GABRB3: variants seen among roughly 807,000 people sequenced by gnomAD.
The protein encoded by GABRB3 is gamma-aminobutyric acid type A receptor subunit beta3.
GABRB3 carries 14 observed loss-of-function variants against 52.1 expected under a neutral mutation model. The ratio of observed to expected loss-of-function variants is 0.27; its 90% CI spans 0.18 to 0.42. The LOEUF (loss-of-function observed/expected upper bound fraction) is 0.42, where lower values mean the gene tolerates loss of function less well. GABRB3 is among the 10% of genes least tolerant of loss of function. The probability of loss-of-function intolerance (pLI) is 1.00; values close to 1 mark genes in which losing one functional copy is unlikely to be tolerated. For synonymous variants in GABRB3, 260 were observed against 232.3 expected (o/e 1.12, Z -1.08); for missense variants, 307 against 609.1 (o/e 0.50, Z 5.22).
At chr15:26,701,004 G>A (rs935904602) in intron 3 of GABRB3, among the ~76,000 whole-genome samples, 1 of 151,854 alleles carries the variant, frequency 6.6e-6, no homozygotes, top group African/African-American at 2.4e-5. Flanking sequence ...GCAGTGAGCC[G>A]AGATCGCACC....
intron 4 of GABRB3, among the ~76,000 whole-genome samples, chr15:26,601,009 C>T (rs904604308): frequency 1.3e-5 from 2 of 151,986 alleles, no homozygotes; most frequent in African/African-American, 4.8e-5. Flanking sequence ...AGTGTACAGT[C>T]GTATGTAATC....
intron 3 of GABRB3, among the ~76,000 whole-genome samples, chr15:26,651,438 G>A (rs1887194108): frequency 6.6e-6 from 1 of 152,216 alleles, no homozygotes; most frequent in Admixed American, 6.5e-5. Context: ...AAACCAGAGG[G>A]TGTACTGACT....
intron 3 of GABRB3, among the ~76,000 whole-genome samples, chr15:26,663,179 G>A (rs964861713): frequency 6.6e-6 from 1 of 152,076 alleles, no homozygotes; most frequent in South Asian, 2.1e-4. Flanking sequence ...GGCCTGCCTC[G>A]TGACCCCCTT....
chr15:26,579,571 T>C (rs1411414460), intron 6 of GABRB3, among the ~76,000 whole-genome samples: 1 of 152,242 alleles, frequency 6.6e-6, no homozygotes, highest in Non-Finnish European at 1.5e-5. Context: ...TGCCTTCTCT[T>C]AGCATTTTCA....
At chr15:26,734,058 T>C (rs1299414753) in intron 3 of GABRB3, among the ~76,000 whole-genome samples, 1 of 148,272 alleles carries the variant, frequency 6.7e-6, no homozygotes, top group African/African-American at 2.5e-5. Flanking sequence ...AGGCAGAGTT[T>C]TGCTCTTGTT....
intron 3 of GABRB3, among the ~76,000 whole-genome samples, chr15:26,740,417 G>T (rs1428119059): frequency 2.6e-5 from 4 of 151,986 alleles, no homozygotes; most frequent in Non-Finnish European, 4.4e-5. Flanking sequence ...AAAGGATACC[G>T]CCAAGCAGAT....
rs1269483151 is a variant in GABRB3 at position 26,754,904 on chromosome 15, CA to C, written c.240+17497del. ...ACACCCGAGGGGTCGAGGCTCGGCT[CA>C]GCCGTGGAGATAAAACACAGGATTA... On this transcript the variant is annotated intron_variant, in intron 3 of 8. Transcript: ENST00000311550. 5.3e-5 allele frequency among the ~76,000 whole-genome samples: 8 copies of C among 152,188 alleles called. No individual in the cohort carries two copies. The South Asian group carries it at 8.3e-4, about 16-fold the overall frequency.
intron 3 of GABRB3, among the ~76,000 whole-genome samples, chr15:26,702,375 A>G (rs577013122): frequency 6.6e-6 from 1 of 152,350 alleles, no homozygotes; most frequent in East Asian, 1.9e-4. Context: ...AGATTCAACA[A>G]TAAGGAAATA....
chr15:26,622,281 C>T (rs981014521), intron 3 of GABRB3, among the ~76,000 whole-genome samples: 5 of 152,138 alleles, frequency 3.3e-5, no homozygotes, highest in East Asian at 1.9e-4. Flanking sequence ...GTTCTGCTTT[C>T]GTTTTGCCAA....
intron 3 of GABRB3, among the ~76,000 whole-genome samples, chr15:26,687,471 T>C (rs752917796): frequency 3.7e-4 from 56 of 152,102 alleles, no homozygotes; most frequent in Admixed American, 2.0e-4. Flanking sequence ...CATCTCGACA[T>C]CATGCTTCTC....
chr15:26,648,227 G>A (rs976974035), intron 3 of GABRB3, among the ~76,000 whole-genome samples: 2 of 152,148 alleles, frequency 1.3e-5, no homozygotes, highest in Non-Finnish European at 2.9e-5. Context: ...CATATGAGTG[G>A]AGTCACATAG....
chr15:26,634,997 TATATATATATATA>T (rs1379751985), intron 3 of GABRB3, among the ~76,000 whole-genome samples: 524 of 5,962 alleles, frequency 0.088, 26 homozygotes, highest in Non-Finnish European at 0.13. Context: ...TATATATATA[TATATATATATATA>T]ATATATATAT....
At chr15:26,572,047 G>GAAAAAAAAAAAAAAA (rs67382387) in intron 6 of GABRB3, among the ~76,000 whole-genome samples, 1 of 53,108 alleles carries the variant, frequency 1.9e-5, no homozygotes. Context: ...TCCGTCTCAA[G>GAAAAAAAAAAAAAAA]AAAAAAAAAA....
intron 3 of GABRB3, among the ~76,000 whole-genome samples, chr15:26,758,960 T>C (rs969419782): frequency 1.3e-5 from 2 of 152,158 alleles, no homozygotes; most frequent in Non-Finnish European, 2.9e-5. Flanking sequence ...AGTTAAACAG[T>C]TGGAAATTGT....
At position 26,769,122 on chromosome 15, in the gene GABRB3, T is replaced by C. The variant is rs148253694; in HGVS notation, c.240+3280A>G. ...AAAAGCAACAACAGCATCATTGTTG[T>C]GTATTATCTGTTACTGTTCTCTGCA... On this transcript the variant is annotated intron_variant, in intron 3 of 8. Transcript: ENST00000311550. Among the ~76,000 whole-genome samples the C allele has an allele frequency of 2.0e-3, 303 of 152,336 alleles. 1 individual carries two copies. The highest frequency in any genetic ancestry group is 6.4e-3 in the African/African-American group (266 of 41,594).
At chr15:26,681,442 T>C (rs1245261246) in intron 3 of GABRB3, among the ~76,000 whole-genome samples, 1 of 152,196 alleles carries the variant, frequency 6.6e-6, no homozygotes, top group Non-Finnish European at 1.5e-5. Context: ...TGGTTCTGCC[T>C]CACGTTGTGT....
rs542705367 is a variant in GABRB3, at chr15:26,625,333, C to T, written c.241-3799G>A. On this transcript the variant is annotated intron_variant, in intron 3 of 8. Coordinates refer to ENST00000311550, the MANE Select transcript of GABRB3 (RefSeq NM_000814.6). The stretch of plus-strand genomic sequence containing the variant: ...ACTCCTCCTTCCACACCCAACCCAT[C>T]GCCAAACATTTAGCACAGCTGCTAT... 4.1e-4 allele frequency: 143 copies of T among 352,522 alleles called. 2 individuals carry two copies. Among genetic ancestry groups the T allele is most frequent in the Middle Eastern group, 1.5e-3 (1 of 688 alleles). 21.8% of individuals were successfully genotyped at this position (352,522 alleles called of 1,614,324 possible).
chr15:26,592,474 A>T (rs1001045555), intron 4 of GABRB3, among the ~76,000 whole-genome samples: 1 of 152,216 alleles, frequency 6.6e-6, no homozygotes, highest in East Asian at 1.9e-4. Flanking sequence ...TGAAAAATTT[A>T]GATGACCTGT....
At chr15:26,567,372 T>C (rs1890218175) in intron 7 of GABRB3, among the ~76,000 whole-genome samples, 1 of 152,224 alleles carries the variant, frequency 6.6e-6, no homozygotes. Context: ...TTCATGGGCA[T>C]GAAAATTCAC....
Sources: gnomAD v4.1 joint callset for allele counts (sites outside exome capture counted in the v4.1 genomes callset) on GRCh38, gnomAD v4.1.1 for gene constraint, MANE v1.5 for transcripts, NCBI Gene and HGNC (gene_info 2026-07-23, HGNC 2026-07-21) for gene names.